The following VTI1A variants were observed in gnomAD, a reference collection of about 807,000 sequenced individuals.
VTI1A encodes vesicle transport through interaction with t-SNAREs 1A.
A neutral mutation model predicts 34.9 loss-of-function variants in VTI1A; 22 were observed. That is an observed-to-expected ratio of 0.63 (90% confidence interval 0.45 to 0.90). The LOEUF (loss-of-function observed/expected upper bound fraction) is 0.90, where lower values mean the gene tolerates loss of function less well. Ranked by LOEUF, VTI1A falls within the 40% of genes least tolerant of loss-of-function variation. VTI1A has a pLI of 0.00. For missense variants in VTI1A, 268 were observed against 275.6 expected, an observed-to-expected ratio of 0.97 and a Z score of 0.20; for synonymous variants, 87 against 97.3, an observed-to-expected ratio of 0.89 and a Z score of 0.62.
chr10:112,810,333 G>A (rs187699056), intron 7 of VTI1A, among the ~76,000 whole-genome samples: 2 of 151,584 alleles, frequency 1.3e-5, no homozygotes, highest in Admixed American at 6.6e-5. Flanking sequence ...AACCTGGGAG[G>A]GGGAGGTTGT....
At chr10:112,587,503 GGAGA>G (rs1564838393) in intron 5 of VTI1A, among the ~76,000 whole-genome samples, 1 of 152,084 alleles carries the variant, frequency 6.6e-6, no homozygotes, top group South Asian at 2.1e-4. Flanking sequence ...GAAGCAAAAA[GGAGA>G]GAAAGATAAT....
intron 3 of VTI1A, among the ~76,000 whole-genome samples, chr10:112,481,316 T>C (rs1848451295): frequency 6.6e-6 from 1 of 152,220 alleles, no homozygotes. Context: ...GACTGAATAA[T>C]GTTTCTGCTT....
intron 5 of VTI1A, among the ~76,000 whole-genome samples, chr10:112,558,979 GA>G (rs1054996227): frequency 1.3e-5 from 2 of 151,260 alleles, no homozygotes; most frequent in Admixed American, 1.3e-4. Flanking sequence ...TCTAGAAGAA[GA>G]AAAAAAAAGT....
chr10:112,460,817 C>T (rs950940753), intron 2 of VTI1A, among the ~76,000 whole-genome samples: 14 of 152,136 alleles, frequency 9.2e-5, no homozygotes, highest in African/African-American at 2.9e-4. Context: ...CATCATAATA[C>T]GTTTCATAAC....
chr10:112,505,620 T>C (rs1343952019), intron 3 of VTI1A, among the ~76,000 whole-genome samples: 1 of 152,144 alleles, frequency 6.6e-6, no homozygotes, highest in Admixed American at 6.5e-5. Context: ...CTATGTTATA[T>C]GCTTGTTTTT....
intron 7 of VTI1A, among the ~76,000 whole-genome samples, chr10:112,731,360 G>A (rs1564903256): frequency 6.6e-6 from 1 of 152,122 alleles, no homozygotes; most frequent in Non-Finnish European, 1.5e-5. Context: ...GATCACCTGA[G>A]GTCAGGAGTT....
At chr10:112,464,302 G>A (rs1227765859) in intron 2 of VTI1A, among the ~76,000 whole-genome samples, 2 of 152,208 alleles carry the variant, frequency 1.3e-5, no homozygotes, top group Non-Finnish European at 1.5e-5. Flanking sequence ...CTGGCCAAAT[G>A]TATATGTTTT....
downstream of VTI1A, among the ~76,000 whole-genome samples, chr10:112,820,059 GA>G (rs1274130634): frequency 6.6e-6 from 1 of 152,194 alleles, no homozygotes; most frequent in Non-Finnish European, 1.5e-5. Context: ...CACGGCGTGG[GA>G]GGTACCTGCC....
chr10:112,461,631 T>C (rs1165772126), intron 2 of VTI1A, among the ~76,000 whole-genome samples: 2 of 152,258 alleles, frequency 1.3e-5, no homozygotes, highest in South Asian at 2.1e-4. Flanking sequence ...AAGTATTGTG[T>C]CTTAATTTGG....
intron 5 of VTI1A, among the ~76,000 whole-genome samples, chr10:112,547,593 CATA>C (rs1336992012): frequency 4.0e-5 from 6 of 151,834 alleles, no homozygotes; most frequent in Admixed American, 3.9e-4. Flanking sequence ...TAATCATAAT[CATA>C]ATAATAATAA....
At chr10:112,663,949 C>T (rs1458198892) in intron 5 of VTI1A, among the ~76,000 whole-genome samples, 2 of 152,212 alleles carry the variant, frequency 1.3e-5, no homozygotes, top group Non-Finnish European at 2.9e-5. Context: ...AGAACTCCTG[C>T]ACTTCACAAA....
chr10:112,769,147 G>A (rs1851729968), intron 7 of VTI1A, among the ~76,000 whole-genome samples: 1 of 152,130 alleles, frequency 6.6e-6, no homozygotes, highest in Non-Finnish European at 1.5e-5. Context: ...TGTGAAATAG[G>A]GAGAGCTAAA....
rs1175703393 is a variant in VTI1A, at chr10:112,673,632, T to A, written c.560+4634T>A. On this transcript the variant is annotated intron_variant, in intron 7 of 7. Coordinates refer to ENST00000393077, the MANE Select transcript of VTI1A (RefSeq NM_145206.4). ...CAGACAGTATTAAATGCAGTTGACC[T>A]AGCCAGGACCATTCACACAATATTA... Among the ~76,000 whole-genome samples, 5 of 152,374 alleles carry A rather than the reference T, an allele frequency of 3.3e-5. No individual in the cohort carries two copies. In the East Asian group the frequency reaches 9.6e-4, roughly 29 times the overall value.
At chr10:112,677,012 C>T (rs796677575) in intron 7 of VTI1A, among the ~76,000 whole-genome samples, 2 of 152,198 alleles carry the variant, frequency 1.3e-5, no homozygotes, top group African/African-American at 2.4e-5. Context: ...TTTTTTCATT[C>T]GAATGCTTCC....
intron 5 of VTI1A, among the ~76,000 whole-genome samples, chr10:112,564,592 G>GT (rs1252856984): frequency 3.3e-5 from 5 of 152,062 alleles, no homozygotes; most frequent in Non-Finnish European, 7.4e-5. Context: ...AATTTACAGG[G>GT]TTACCCCCCT....
At chr10:112,663,271 G>C (rs1847527808) in intron 5 of VTI1A, among the ~76,000 whole-genome samples, 1 of 152,160 alleles carries the variant, frequency 6.6e-6, no homozygotes, top group Non-Finnish European at 1.5e-5. Flanking sequence ...ATCTATGGCA[G>C]GCTCATTCTC....
chr10:112,736,425 G>A (rs899226354), intron 7 of VTI1A, among the ~76,000 whole-genome samples: 3 of 152,190 alleles, frequency 2.0e-5, no homozygotes, highest in East Asian at 1.9e-4. Flanking sequence ...TGCCCGGCAC[G>A]TAGTAAGTTT....
At chr10:112,773,944 A>T (rs1851884002) in intron 7 of VTI1A, among the ~76,000 whole-genome samples, 1 of 152,202 alleles carries the variant, frequency 6.6e-6, no homozygotes, top group African/African-American at 2.4e-5. Context: ...TGACATAAAC[A>T]CAGGAGGTTA....
intron 1 of VTI1A, among the ~76,000 whole-genome samples, chr10:112,457,894 A>C (rs1847592457): frequency 6.6e-6 from 1 of 152,154 alleles, no homozygotes; most frequent in African/African-American, 2.4e-5. Context: ...GGGAGGAGCA[A>C]AGTGTAAGAA....
Sources: allele counts gnomAD v4.1 joint callset (sites outside exome capture counted in the v4.1 genomes callset), GRCh38; gene constraint gnomAD v4.1.1; transcripts MANE v1.5; gene names NCBI Gene and HGNC (gene_info 2026-07-23, HGNC 2026-07-21).